LDLRAP1: variants seen among roughly 807,000 people sequenced by gnomAD.
The protein encoded by LDLRAP1 is low density lipoprotein receptor adapter protein 1.
LDLRAP1 carries 30 observed loss-of-function variants against 37.8 expected under a neutral mutation model. The observed-to-expected ratio is 0.79, with a 90% confidence interval of 0.59 to 1.08. The LOEUF (loss-of-function observed/expected upper bound fraction) is 1.08, where lower values mean the gene tolerates loss of function less well. LDLRAP1 is among the 50% of genes least tolerant of loss of function. LDLRAP1 has a pLI of 0.00. For synonymous variants in LDLRAP1, 156 were observed against 169.8 expected, an observed-to-expected ratio of 0.92 and a Z score of 0.63; for missense variants, 375 against 401.6, an observed-to-expected ratio of 0.93 and a Z score of 0.57.
At chr1:25,588,152 G>T in the LDLRAP1 span, among the ~76,000 whole-genome samples, 1 of 151,994 alleles carries the variant, frequency 6.6e-6, no homozygotes, top group Non-Finnish European at 1.5e-5. Context: ...GCGGAAGGCC[G>T]CAGGGACCTC....
At chr1:25,577,552 G>T in the LDLRAP1 span, among the ~76,000 whole-genome samples, 2 of 152,338 alleles carry the variant, frequency 1.3e-5, no homozygotes, top group African/African-American at 4.8e-5. Context: ...CGTCGAGCCT[G>T]GTGTGCGGTT....
At chr1:25,571,102 C>T (rs148485173), downstream of LDLRAP1, among the ~76,000 whole-genome samples, 915 of 152,314 alleles carry the variant, frequency 6.0e-3, 10 homozygotes, top group African/African-American at 0.021. Flanking sequence ...TGCACAGTGC[C>T]TCTCCGTGCA....
At chr1:25,558,107 G>A (rs533747391) in intron 4 of LDLRAP1, among the ~76,000 whole-genome samples, 44 of 152,120 alleles carry the variant, frequency 2.9e-4, no homozygotes, top group Non-Finnish European at 6.2e-4. Context: ...GAATTTGGGG[G>A]CAAGAAGTGG....
chr1:25,563,915 G>A, intron 7 of LDLRAP1, 124 bp downstream of exon 7: 1 of 1,212,614 alleles, frequency 8.2e-7, no homozygotes, highest in Non-Finnish European at 1.2e-6. Flanking sequence ...ACCAGACCCA[G>A]CCCGGTAGTG....
At chr1:25,560,120 T>C (rs2044309073) in intron 4 of LDLRAP1, among the ~76,000 whole-genome samples, 1 of 152,002 alleles carries the variant, frequency 6.6e-6, no homozygotes, top group Non-Finnish European at 1.5e-5. Context: ...TTAACACACG[T>C]GCAAACGCAG....
chr1:25,573,917 A>G, the LDLRAP1 span, among the ~76,000 whole-genome samples: 1 of 152,222 alleles, frequency 6.6e-6, no homozygotes, highest in Non-Finnish European at 1.5e-5. Context: ...AAAACAGCAG[A>G]AATCCCCATC....
rs889460599 is a variant in LDLRAP1, at chr1:25,554,767, C to T, written c.232-93C>T. On this transcript the variant is annotated intron_variant, in intron 2 of 8. Transcript: ENST00000374338. This position sits in a 1 kb window ranked among gnomAD's most constrained non-coding sequence, Gnocchi z 5.4. ...CAGTCACCTGAGCTGAGATGGGCCC[C>T]GTGCCTGGGGCTTAGGAACAGTGAA... 1.9e-5 allele frequency: 19 copies of T among 991,226 alleles called. No homozygotes were observed. Among genetic ancestry groups the T allele is most frequent in the African/African-American group, 9.6e-5 (6 of 62,786 alleles). 61.4% of individuals were successfully genotyped at this position (991,226 alleles called of 1,614,324 possible). A position where few individuals can be genotyped will look rare whatever the true frequency, so the allele number is the denominator to read the frequency against.
intron 8 of LDLRAP1, among the ~76,000 whole-genome samples, chr1:25,566,417 T>A (rs1199423371): frequency 1.3e-5 from 2 of 152,164 alleles, no homozygotes; most frequent in Admixed American, 1.3e-4. Context: ...TCTCCCCTAT[T>A]CTTTTGGACA....
chr1:25,569,554 C>G (rs2044573944), downstream of LDLRAP1, among the ~76,000 whole-genome samples: 1 of 152,164 alleles, frequency 6.6e-6, no homozygotes, highest in Non-Finnish European at 1.5e-5. Flanking sequence ...TTTTACCACC[C>G]TGGGTTTTGT....
rs748216806 is a variant in LDLRAP1 at position 25,557,153 on chromosome 1, G to C, written c.345G>C (p.Arg115Ser). The change falls in exon 4 of 9, where the codon AGG becomes AGC. Residue 115 changes from arginine to serine, a missense_variant and splice_region_variant. Transcript: ENST00000374338. ...NQLIENVSIYRISYCTADKMH... is the reference protein window; with the variant it reads ...NQLIENVSIYSISYCTADKMH... The stretch of plus-strand genomic sequence containing the variant: ...GTGATGCTTCCTCCTTGCCTTTCAG[G>C]ATCTCCTATTGCACAGCAGACAAGA... The C allele has an allele frequency of 3.1e-6, 5 of 1,612,582 alleles. No homozygotes were observed. Among genetic ancestry groups the C allele is most frequent in the Non-Finnish European group, 4.2e-6 (5 of 1,178,694 alleles).
intron 1 of LDLRAP1, among the ~76,000 whole-genome samples, chr1:25,552,896 G>C (rs576910320): frequency 6.6e-6 from 1 of 152,294 alleles, no homozygotes; most frequent in Admixed American, 6.5e-5. Flanking sequence ...TGTGGACTCT[G>C]TTCTGCACCA....
At position 25,563,075 on chromosome 1, in the gene LDLRAP1, G is replaced by A; in HGVS notation, c.538G>A (p.Glu180Lys). Residue 180 changes from glutamate (E) to lysine (K), a missense_variant, in exon 6 of 9, where the codon GAG becomes AAG. By Grantham distance (56) the Glu-to-Lys change is moderately conservative (BLOSUM62 1). Transcript: ENST00000374338. ...EFWQVSKEEK[E>K]KRDKASQEGG... ...GTTGTGCCTTGGTCCTGCAGAGAAAGAGAAGAGGGACAAAGCCAGCCAAGA... is the reference window on the plus strand; with the variant it reads ...GTTGTGCCTTGGTCCTGCAGAGAAAAAGAAGAGGGACAAAGCCAGCCAAGA... 1.2e-6 allele frequency: 2 copies of A among 1,614,114 alleles called. No individual in the cohort carries two copies. The highest frequency in any genetic ancestry group is 1.7e-6 in the Non-Finnish European group (2 of 1,179,990).
At chr1:25,572,083 C>T (rs913336675), downstream of LDLRAP1, among the ~76,000 whole-genome samples, 13 of 152,214 alleles carry the variant, frequency 8.5e-5, no homozygotes, top group Non-Finnish European at 1.3e-4. Flanking sequence ...GGGGCATATT[C>T]CTGCTGGGCA....
intron 1 of LDLRAP1, among the ~76,000 whole-genome samples, chr1:25,551,926 C>T (rs1377662502): frequency 6.6e-6 from 1 of 152,180 alleles, no homozygotes; most frequent in African/African-American, 2.4e-5. Context: ...AGTCCCTGCT[C>T]ACCTGATCTC....
rs1484866430 is a variant in LDLRAP1 at position 25,554,763 on chromosome 1, GC to G, written c.232-93del. 7 of 925,846 alleles carry G rather than the reference GC, an allele frequency of 7.6e-6. No individual in the cohort carries two copies. The highest frequency in any genetic ancestry group is 1.2e-5 in the Non-Finnish European group (7 of 581,440). 57.4% of individuals were successfully genotyped at this position (925,846 alleles called of 1,614,324 possible). ...CTGCCAGTCACCTGAGCTGAGATGGGCCCCGTGCCTGGGGCTTAGGAACAGT... is the reference window on the plus strand; with the variant it reads ...CTGCCAGTCACCTGAGCTGAGATGGGCCCGTGCCTGGGGCTTAGGAACAGT... On this transcript the variant is annotated intron_variant, in intron 2 of 8. Transcript: ENST00000374338. The surrounding 1 kb of genome is among the most constrained non-coding windows in gnomAD (Gnocchi z 5.4).
intron 3 of LDLRAP1, among the ~76,000 whole-genome samples, chr1:25,556,727 G>C (rs138807646): frequency 2.6e-5 from 4 of 152,346 alleles, no homozygotes; most frequent in Admixed American, 6.5e-5. Context: ...TCAGGTCTGG[G>C]CTCAGGTCTT....
At position 25,554,030 on chromosome 1, in the gene LDLRAP1, T is replaced by G. The variant is rs1266558757; in HGVS notation, c.197T>G (p.Leu66Arg). The G allele has an allele frequency of 1.2e-6, 2 of 1,614,078 alleles. No homozygotes were observed. Among genetic ancestry groups the G allele is most frequent in the Non-Finnish European group, 1.7e-6 (2 of 1,180,026 alleles). The change falls in exon 2 of 9, where the codon CTG becomes CGG. Residue 66 changes from leucine to arginine, a missense_variant. Transcript: ENST00000374338. This position sits in a 1 kb window ranked among gnomAD's most constrained non-coding sequence, Gnocchi z 5.4. ...TLVEQPKGEE[L>R]SAAAIKRIVA... ...GTGGAGCAGCCCAAGGGTGAGGAGC[T>G]GTCGGCCGCCGCCATCAAGAGGATC... is the stretch of plus-strand genomic sequence containing the variant.
chr1:25,586,893 G>A, the LDLRAP1 span, among the ~76,000 whole-genome samples: 1 of 152,270 alleles, frequency 6.6e-6, no homozygotes, highest in South Asian at 2.1e-4. The surrounding 1 kb of genome is among the most constrained non-coding windows in gnomAD (Gnocchi z 4.3). Context: ...ACCCTAGAGT[G>A]AGCATGACCC....
intron 1 of LDLRAP1, among the ~76,000 whole-genome samples, chr1:25,552,810 T>G (rs900147424): frequency 6.6e-6 from 1 of 152,190 alleles, no homozygotes; most frequent in African/African-American, 2.4e-5. Context: ...CCTGGTCCAT[T>G]TGCCCACCCA....
Sources: gnomAD v4.1 joint callset for allele counts (sites outside exome capture counted in the v4.1 genomes callset) on GRCh38, gnomAD v4.1.1 for gene constraint, Gnocchi (gnomAD v3.1) non-coding constraint, MANE v1.5 for transcripts, NCBI Gene and HGNC (gene_info 2026-07-23, HGNC 2026-07-21) for gene names.